The following MFHAS1 variants were observed in gnomAD, a reference collection of about 807,000 sequenced individuals.
MFHAS1 encodes multifunctional ROCO family signaling regulator 1.
MFHAS1 carries 50 observed loss-of-function variants against 70.4 expected under a neutral mutation model. The ratio of observed to expected loss-of-function variants is 0.71; its 90% confidence interval spans 0.57 to 0.90. The LOEUF is 0.90. Among genes scored for constraint, MFHAS1 ranks in the 40% least tolerant of loss-of-function variants. The probability of loss-of-function intolerance (pLI) is 0.00; values close to 1 mark genes in which losing one functional copy is unlikely to be tolerated. For synonymous variants in MFHAS1, 952 were observed against 620.0 expected (o/e 1.54, Z -7.96); for missense variants, 1,795 against 1,347.6 (o/e 1.33, Z -5.20).
intron 1 of MFHAS1, among the ~76,000 whole-genome samples, chr8:8,866,937 T>A (rs1808881895): frequency 6.6e-6 from 1 of 152,146 alleles, no homozygotes; most frequent in Non-Finnish European, 1.5e-5. Context: ...ACATATCTGA[T>A]ACAAGACAAT....
Position 8,821,159 on chromosome 8 carries a change from A to G in MFHAS1, c.2999-23668T>C, listed in dbSNP as rs369030646. Among the ~76,000 whole-genome samples the G allele has an allele frequency of 1.8e-3, 269 of 152,282 alleles. 8 individuals are homozygous for G. The South Asian group carries it at 0.054, about 30-fold the overall frequency. On this transcript the variant is annotated intron_variant, in intron 1 of 2. Transcript: ENST00000276282. ...CGAGTCCTTGGGTGTCAGAGGGAGC[A>G]GCTGCCAGGTGGAAACGGAATGAAC... is the stretch of plus-strand genomic sequence containing the variant.
At chr8:8,864,735 T>A (rs186779413) in intron 1 of MFHAS1, among the ~76,000 whole-genome samples, 26 of 152,264 alleles carry the variant, frequency 1.7e-4, no homozygotes, top group African/African-American at 5.5e-4. Flanking sequence ...GTCCTTGAAC[T>A]TGGGGTCACT....
At chr8:8,876,213 T>G (rs118063554) in intron 1 of MFHAS1, among the ~76,000 whole-genome samples, 1 of 152,204 alleles carries the variant, frequency 6.6e-6, no homozygotes, top group Non-Finnish European at 1.5e-5. Context: ...CCCAGCAGTC[T>G]ACTCCAAGAG....
In MFHAS1 at chr8:8,891,946, C is replaced by T. The variant is rs201146413; in HGVS notation, c.1113G>A (p.Lys371=). The T allele has an allele frequency of 4.3e-6, 7 of 1,611,594 alleles. No individual in the cohort carries two copies. In the East Asian group the frequency reaches 1.3e-4, roughly 31 times the overall value. The part of the protein sequence containing the change: ...FGQLSRVGLW[K]IKDNPLIQPP... ...GCTGGATCAGTGGGTTGTCTTTGAT[C>T]TTCCACAAACCCACCCGGGAGAGCT... The change falls in exon 1 of 3, where the codon AAG becomes AAA. Residue 371 remains lysine, a synonymous_variant. Transcript: ENST00000276282. The surrounding 1 kb of genome is among the most constrained non-coding windows in gnomAD (Gnocchi z 5.4).
chr8:8,855,951 G>A (rs749678133), intron 1 of MFHAS1, among the ~76,000 whole-genome samples: 39 of 152,296 alleles, frequency 2.6e-4, no homozygotes, highest in Middle Eastern at 3.4e-3. Flanking sequence ...TAAAACACTG[G>A]CCATAACAGA....
At chr8:8,883,490 G>A (rs574929117) in intron 1 of MFHAS1, among the ~76,000 whole-genome samples, 4 of 151,546 alleles carry the variant, frequency 2.6e-5, no homozygotes, top group Admixed American at 6.6e-5. Context: ...GGTGGATCAC[G>A]TGAGGTCAGG....
chr8:8,878,069 C>A (rs890157803), intron 1 of MFHAS1, among the ~76,000 whole-genome samples: 1 of 151,914 alleles, frequency 6.6e-6, no homozygotes, highest in South Asian at 2.1e-4. Flanking sequence ...TGTGGCCTTT[C>A]TGGGAACCCT....
At chr8:8,823,428 A>G (rs1211378335) in intron 1 of MFHAS1, among the ~76,000 whole-genome samples, 1 of 152,116 alleles carries the variant, frequency 6.6e-6, no homozygotes, top group East Asian at 1.9e-4. Flanking sequence ...AACTCCCTGC[A>G]AGTTCCCGAA....
intron 2 of MFHAS1, among the ~76,000 whole-genome samples, chr8:8,790,796 T>A (rs1005026696): frequency 2.0e-5 from 3 of 152,178 alleles, no homozygotes; most frequent in African/African-American, 7.2e-5. Flanking sequence ...GTTTATTTGG[T>A]GATATAAAGG....
chr8:8,880,709 G>C (rs555778357), intron 1 of MFHAS1, among the ~76,000 whole-genome samples: 42 of 150,604 alleles, frequency 2.8e-4, no homozygotes, highest in African/African-American at 1.0e-3. Flanking sequence ...CCCCCAGATG[G>C]AGTCTTGTTT....
chr8:8,885,495 T>C (rs1809719056), intron 1 of MFHAS1, among the ~76,000 whole-genome samples: 1 of 152,152 alleles, frequency 6.6e-6, no homozygotes, highest in Admixed American at 6.5e-5. Context: ...TAATGTACCC[T>C]CACTCAACTT....
intron 1 of MFHAS1, among the ~76,000 whole-genome samples, chr8:8,847,709 G>A (rs1465494282): frequency 6.6e-6 from 1 of 152,132 alleles, no homozygotes; most frequent in East Asian, 1.9e-4. Context: ...TGCACACTCT[G>A]GACCTTCAGA....
intron 1 of MFHAS1, among the ~76,000 whole-genome samples, chr8:8,855,181 G>A (rs567506154): frequency 6.6e-6 from 1 of 152,178 alleles, no homozygotes; most frequent in East Asian, 1.9e-4. Flanking sequence ...TCGAACTCCT[G>A]GGCTCAGGGG....
At chr8:8,876,172 T>C (rs1339160706) in intron 1 of MFHAS1, among the ~76,000 whole-genome samples, 2 of 152,164 alleles carry the variant, frequency 1.3e-5, no homozygotes, top group African/African-American at 4.8e-5. Flanking sequence ...TAAAGTCACA[T>C]AACTAAGAAG....
intron 1 of MFHAS1, among the ~76,000 whole-genome samples, chr8:8,853,662 G>T (rs1439961336): frequency 6.6e-6 from 1 of 152,128 alleles, no homozygotes; most frequent in East Asian, 1.9e-4. Flanking sequence ...CGCCTCCAGG[G>T]TTCAAGCGAT....
Position 8,893,596 on chromosome 8 carries a change from T to G in MFHAS1, c.-538A>C, listed in dbSNP as rs1389782456. On this transcript the variant is annotated 5_prime_UTR_variant, in exon 1 of 3. Coordinates refer to ENST00000276282, the MANE Select transcript of MFHAS1 (RefSeq NM_004225.3). ...CTCGGGCGGGAGCGCGGGCGCCGCG[T>G]CCCCGGCGCTGGGAGGGCGCGATTG... 6.9e-6 allele frequency: 1 copy of G among 144,986 alleles called. No individual in the cohort carries two copies. The highest frequency in any genetic ancestry group is 1.5e-5 in the Non-Finnish European group (1 of 65,372). The allele number at this position is 144,986 out of a possible 1,614,324, so 9.0% of individuals were successfully genotyped here.
intron 2 of MFHAS1, among the ~76,000 whole-genome samples, chr8:8,795,645 T>C (rs893879668): frequency 1.3e-5 from 2 of 152,204 alleles, no homozygotes; most frequent in Admixed American, 6.5e-5. Flanking sequence ...CTGAGCCGAG[T>C]GCCCTCTACT....
In MFHAS1 at chr8:8,891,183, G is replaced by A; in HGVS notation, c.1876C>T (p.Pro626Ser). ...HRLQILSPVLPVSCRDPRHLR... is the reference protein window; with the variant it reads ...HRLQILSPVLSVSCRDPRHLR... Reference sequence around the variant, plus strand: ...TGGCGCGGGTCCCTGCAGCTAACAGGCAACACGGGGGAGAGGATCTGCAGC... The same window carrying A: ...TGGCGCGGGTCCCTGCAGCTAACAGACAACACGGGGGAGAGGATCTGCAGC... The change falls in exon 1 of 3, where the codon CCT (proline) becomes TCT (serine). Residue 626 changes from proline (P) to serine (S), a missense_variant. Coordinates refer to ENST00000276282, the MANE Select transcript of MFHAS1 (RefSeq NM_004225.3). This position sits in a 1 kb window ranked among gnomAD's most constrained non-coding sequence, Gnocchi z 5.4. The A allele has an allele frequency of 1.2e-6, 2 of 1,613,104 alleles. No homozygotes were observed. The highest frequency in any genetic ancestry group is 1.7e-6 in the Non-Finnish European group (2 of 1,180,024).
In MFHAS1 at chr8:8,892,957, A is replaced by G. The variant is rs1062988; in HGVS notation, c.102T>C (p.Leu34=). The part of the protein sequence containing the change: ...KLRSNLRQLT[L]TAAGACPGAG... ...CCCCGGGGCAGGCCCCGGCGGCGGTAAGCGTGAGCTGGCGCAGGTTGCTCC... is the reference window on the plus strand; with the variant it reads ...CCCCGGGGCAGGCCCCGGCGGCGGTGAGCGTGAGCTGGCGCAGGTTGCTCC... Residue 34 remains leucine (L), a synonymous_variant, in exon 1 of 3, where the codon CTT becomes CTC. Transcript: ENST00000276282. The surrounding 1 kb of genome is among the most constrained non-coding windows in gnomAD (Gnocchi z 4.7). The G allele has an allele frequency of 0.14, 218,190 of 1,542,680 alleles. 17,464 individuals are homozygous for G. Among genetic ancestry groups the G allele is most frequent in the African/African-American group, 0.31 (21,852 of 70,482 alleles).
Sources: allele counts gnomAD v4.1 joint callset (sites outside exome capture counted in the v4.1 genomes callset), GRCh38; gene constraint gnomAD v4.1.1; non-coding constraint Gnocchi (gnomAD v3.1); transcripts MANE v1.5; gene names NCBI Gene and HGNC (gene_info 2026-07-23, HGNC 2026-07-21).